RNLS: variants seen among roughly 807,000 people sequenced by gnomAD.
The protein encoded by RNLS is renalase, FAD dependent amine oxidase.
In RNLS, 39 loss-of-function variants were observed where a neutral mutation model predicts 39.8. The observed-to-expected ratio is 0.98, with a 90% CI of 0.76 to 1.28. RNLS has a LOEUF of 1.28. Ranked by LOEUF, RNLS falls within the 50% of genes most tolerant of loss-of-function variation. RNLS has a pLI of 0.00. For missense variants in RNLS, 410 were observed against 413.3 expected (o/e 0.99, Z 0.07); for synonymous variants, 147 against 150.7 (o/e 0.98, Z 0.18).
chr10:88,338,515 G>A (rs1815659335), intron 5 of RNLS, among the ~76,000 whole-genome samples: 1 of 152,156 alleles, frequency 6.6e-6, no homozygotes, highest in African/African-American at 2.4e-5. Context: ...CTAACAGCAG[G>A]TAAATTGATA....
At chr10:88,282,488 CA>C (rs1373102117), downstream of RNLS, among the ~76,000 whole-genome samples, 1 of 20,838 alleles carries the variant, frequency 4.8e-5, no homozygotes, top group African/African-American at 1.5e-4. Context: ...TACACACACA[CA>C]CACACACACA....
intron 4 of RNLS, among the ~76,000 whole-genome samples, chr10:88,450,763 A>T (rs901777518): frequency 6.6e-6 from 1 of 152,252 alleles, no homozygotes; most frequent in Non-Finnish European, 1.5e-5. Flanking sequence ...AGTTGACAGG[A>T]TTAACACTAT....
At chr10:88,510,871 A>C (rs1846079647) in intron 4 of RNLS, among the ~76,000 whole-genome samples, 2 of 151,036 alleles carry the variant, frequency 1.3e-5, no homozygotes, top group African/African-American at 4.8e-5. Context: ...AGTTTACATA[A>C]TAAACCTTTA....
chr10:88,566,039 G>A (rs908987906), intron 4 of RNLS, among the ~76,000 whole-genome samples: 6 of 151,530 alleles, frequency 4.0e-5, no homozygotes, highest in Non-Finnish European at 7.4e-5. Flanking sequence ...AAGCCACCGC[G>A]CCCGGCCAAT....
At chr10:88,264,133 G>T in the RNLS span, among the ~76,000 whole-genome samples, 3 of 152,234 alleles carry the variant, frequency 2.0e-5, no homozygotes, top group Non-Finnish European at 4.4e-5. Context: ...CATCCAGGTT[G>T]CAGTGAATAT....
At chr10:88,320,335 T>A (rs771156902) in intron 5 of RNLS, among the ~76,000 whole-genome samples, 4 of 151,508 alleles carry the variant, frequency 2.6e-5, no homozygotes, top group Non-Finnish European at 5.9e-5. Flanking sequence ...CTTGCTACCA[T>A]AAAAGTACAC....
chr10:88,475,567 C>T (rs1843768862), intron 4 of RNLS, among the ~76,000 whole-genome samples: 2 of 152,176 alleles, frequency 1.3e-5, no homozygotes, highest in Admixed American at 6.5e-5. Flanking sequence ...GGATTCATTC[C>T]AATGTCCTTT....
chr10:88,439,463 G>T (rs537396324), intron 4 of RNLS, among the ~76,000 whole-genome samples: 1 of 152,140 alleles, frequency 6.6e-6, no homozygotes, highest in African/African-American at 2.4e-5. Context: ...TTATTAACTG[G>T]TGAAAACATT....
chr10:88,421,220 G>C (rs749093814), intron 4 of RNLS, among the ~76,000 whole-genome samples: 1 of 152,216 alleles, frequency 6.6e-6, no homozygotes, highest in South Asian at 2.1e-4. Context: ...AACAGGAAGC[G>C]TTATTAATAT....
rs753815541 is a variant in RNLS at position 88,275,066 on chromosome 10, G to T, written c.877-34C>A. On this transcript the variant is annotated intron_variant, in intron 6 of 6. Transcript: ENST00000371947. ...CAAAGGAATATCCTTCAACCCCAGT[G>T]CCACCCAACACAATGGCCTCTGACA... 4.0e-6 allele frequency: 6 copies of T among 1,512,382 alleles called. No homozygotes were observed. In the South Asian group the frequency reaches 5.6e-5, roughly 14 times the overall value. The allele number at this position is 1,512,382 out of a possible 1,614,324, so 93.7% of individuals were successfully genotyped here.
intron 4 of RNLS, among the ~76,000 whole-genome samples, chr10:88,478,479 G>A (rs1226857340): frequency 6.6e-6 from 1 of 152,042 alleles, no homozygotes; most frequent in African/African-American, 2.4e-5. Context: ...ATCATCTCAA[G>A]TTCAAATACC....
At chr10:88,314,030 C>T (rs1845571163) in intron 6 of RNLS, among the ~76,000 whole-genome samples, 1 of 152,098 alleles carries the variant, frequency 6.6e-6, no homozygotes. Flanking sequence ...AAAGTGGAAA[C>T]TTAATAAAAA....
intron 4 of RNLS, among the ~76,000 whole-genome samples, chr10:88,475,199 T>C (rs1174725887): frequency 6.6e-6 from 1 of 152,164 alleles, no homozygotes; most frequent in Admixed American, 6.5e-5. Context: ...TTTGTAGAGT[T>C]AGCCCAATTT....
intron 4 of RNLS, among the ~76,000 whole-genome samples, chr10:88,516,276 G>C (rs191720075): frequency 1.3e-5 from 2 of 152,004 alleles, no homozygotes; most frequent in Non-Finnish European, 2.9e-5. Context: ...GGACATTAGA[G>C]GAATACAGAA....
chr10:88,263,962 C>G, the RNLS span, among the ~76,000 whole-genome samples: 1 of 152,148 alleles, frequency 6.6e-6, no homozygotes, highest in African/African-American at 2.4e-5. Context: ...CCTTTTATCC[C>G]TCACCCACCT....
the RNLS span, among the ~76,000 whole-genome samples, chr10:88,261,317 C>A: frequency 5.3e-5 from 8 of 152,176 alleles, no homozygotes; most frequent in Non-Finnish European, 2.9e-5. Context: ...ACCCTCTGCC[C>A]CCCACCACAC....
In RNLS at chr10:88,336,575, T is replaced by C. The variant is rs556503712; in HGVS notation, c.701-21934A>G. On this transcript the variant is annotated intron_variant, in intron 5 of 6. Transcript: ENST00000331772. ...TCCAGTTTCAGAAGATGTTTCTCCA[T>C]AGCTACAACATAAGTAAATGTATAC... Among the ~76,000 whole-genome samples, 4 of 152,312 alleles carry C rather than the reference T, an allele frequency of 2.6e-5. No individual in the cohort carries two copies. The East Asian group carries it at 5.8e-4, about 22-fold the overall frequency.
At chr10:88,523,659 A>T (rs991317599) in intron 4 of RNLS, among the ~76,000 whole-genome samples, 1 of 152,146 alleles carries the variant, frequency 6.6e-6, no homozygotes, top group African/African-American at 2.4e-5. Flanking sequence ...GAAATCCAGG[A>T]AAGAGTTATT....
chr10:88,502,816 A>T (rs901338672), intron 4 of RNLS, among the ~76,000 whole-genome samples: 1 of 152,102 alleles, frequency 6.6e-6, no homozygotes, highest in African/African-American at 2.4e-5. Flanking sequence ...AAGAATAACA[A>T]ATCTGTTTTT....
Sources: gnomAD v4.1 joint callset for allele counts (sites outside exome capture counted in the v4.1 genomes callset) on GRCh38, gnomAD v4.1.1 for gene constraint, MANE v1.5 for transcripts, NCBI Gene and HGNC (gene_info 2026-07-23, HGNC 2026-07-21) for gene names.